Variants in ZBTB44 observed in about 807,000 individuals in gnomAD.
The protein encoded by ZBTB44 is zinc finger and BTB domain-containing protein 44.
A neutral mutation model predicts 54.0 loss-of-function variants in ZBTB44; 15 were observed. The observed-to-expected ratio is 0.28, with a 90% CI of 0.19 to 0.43. The LOEUF (loss-of-function observed/expected upper bound fraction) is 0.43. Ranked by LOEUF, ZBTB44 falls within the 20% of genes least tolerant of loss-of-function variation. ZBTB44 has a pLI of 1.00. For synonymous variants in ZBTB44, 230 were observed against 250.1 expected (o/e 0.92, Z 0.76); for missense variants, 487 against 707.1 (o/e 0.69, Z 3.53).
chr11:130,240,348 T>C (rs369176828), intron 2 of ZBTB44, among the ~76,000 whole-genome samples: 1 of 152,170 alleles, frequency 6.6e-6, no homozygotes, highest in African/African-American at 2.4e-5. Flanking sequence ...CCGTGTTCTA[T>C]ATTTTTAAAT....
rs1399297972 is a variant in ZBTB44 at position 130,230,496 on chromosome 11, A to T, written c.*1268T>A. 1 of 150,380 alleles carries T rather than the reference A, an allele frequency of 6.6e-6. No homozygotes were observed. The highest frequency in any genetic ancestry group is 1.5e-5 in the Non-Finnish European group (1 of 67,484). 9.3% of individuals were successfully genotyped at this position (150,380 alleles called of 1,614,324 possible). On this transcript the variant is annotated 3_prime_UTR_variant, in exon 8 of 8. Transcript: ENST00000357899. ...GGGGATCTAATTACTGTAAGCCAGA[A>T]TGATTGCTGAAATGTCAAAATGTAA...
chr11:130,276,623 T>G (rs530485485), intron 1 of ZBTB44, among the ~76,000 whole-genome samples: 1 of 151,792 alleles, frequency 6.6e-6, no homozygotes, highest in Non-Finnish European at 1.5e-5. Context: ...TTAGTAGAGA[T>G]AGGGTTTTAC....
rs1050202450 is a variant in ZBTB44, at chr11:130,228,212, A to T, written c.*3552T>A. The T allele has an allele frequency of 2.6e-5, 4 of 152,168 alleles. No individual in the cohort carries two copies. The highest frequency in any genetic ancestry group is 9.7e-5 in the African/African-American group (4 of 41,426). 9.4% of individuals were successfully genotyped at this position (152,168 alleles called of 1,614,324 possible). ...TATTGGGAACTTGGACCAAAACCAA[A>T]TTTTACTCTATTAGGGACCGTTGCT... is the stretch of plus-strand genomic sequence containing the variant. On this transcript the variant is annotated 3_prime_UTR_variant, in exon 8 of 8. Coordinates refer to ENST00000357899, the MANE Select transcript of ZBTB44 (RefSeq NM_001301098.2).
At chr11:130,279,984 T>G (rs1273646876) in intron 1 of ZBTB44, among the ~76,000 whole-genome samples, 1 of 152,148 alleles carries the variant, frequency 6.6e-6, no homozygotes, top group African/African-American at 2.4e-5. Flanking sequence ...CAGAATGAAA[T>G]CCCTGCTCTA....
At chr11:130,240,264 T>C (rs1041093895) in intron 2 of ZBTB44, among the ~76,000 whole-genome samples, 91 of 152,184 alleles carry the variant, frequency 6.0e-4, no homozygotes, top group African/African-American at 2.1e-3. Flanking sequence ...ATGGTCTCGA[T>C]ATCCTGACCT....
chr11:130,294,535 G>A (rs1389250772), intron 1 of ZBTB44, among the ~76,000 whole-genome samples: 2 of 77,578 alleles, frequency 2.6e-5, no homozygotes, highest in African/African-American at 5.2e-5. Context: ...AGGTCTATAT[G>A]ACCAAAAAAA....
At chr11:130,259,089 G>T (rs542112502) in intron 2 of ZBTB44, among the ~76,000 whole-genome samples, 18 of 152,198 alleles carry the variant, frequency 1.2e-4, no homozygotes, top group East Asian at 9.6e-4. Flanking sequence ...CAAATAAATG[G>T]GAAGACATTC....
At position 130,314,734 on chromosome 11, in the gene ZBTB44, T is replaced by G. The variant is rs1942846288; in HGVS notation, c.-416A>C. 8.7e-6 allele frequency: 1 copy of G among 114,624 alleles called. No individual in the cohort carries two copies. The highest frequency in any genetic ancestry group is 1.7e-5 in the Non-Finnish European group (1 of 58,660). 7.1% of individuals were successfully genotyped at this position (114,624 alleles called of 1,614,324 possible). On this transcript the variant is annotated 5_prime_UTR_variant, in exon 1 of 8. Transcript: ENST00000357899. ...GGTTGGCCGAGGGCAGGCGGTTGTT[T>G]GGGGAGCGCGGCGACGGCTCGCGTG...
chr11:130,265,390 A>T (rs750562850), intron 1 of ZBTB44, among the ~76,000 whole-genome samples: 5 of 152,092 alleles, frequency 3.3e-5, no homozygotes, highest in Non-Finnish European at 7.4e-5. Flanking sequence ...AAGCCCAGCT[A>T]ATTTTTGTAT....
chr11:130,310,015 T>A (rs190599556), intron 1 of ZBTB44, among the ~76,000 whole-genome samples: 135 of 152,242 alleles, frequency 8.9e-4, no homozygotes, highest in Non-Finnish European at 8.8e-4. Context: ...GAATTTTTAT[T>A]TAAAAATATG....
intron 1 of ZBTB44, among the ~76,000 whole-genome samples, chr11:130,263,605 A>G (rs1434330784): frequency 6.6e-6 from 1 of 152,218 alleles, no homozygotes; most frequent in African/African-American, 2.4e-5. Flanking sequence ...CGGAGTATTA[A>G]AATGAAACCA....
Position 130,238,526 on chromosome 11 carries a change from G to C in ZBTB44, c.1185C>G (p.Pro395=). 1 of 1,612,242 alleles carries C rather than the reference G, an allele frequency of 6.2e-7. No homozygotes were observed. The highest frequency in any genetic ancestry group is 8.5e-7 in the Non-Finnish European group (1 of 1,179,262). ...SSTERPSPNG[P]DRPFQCPTCG... Reference sequence around the variant, plus strand: ...AGGTTGGACACTGAAAAGGTCTGTCGGGACCATTTGGACTTGGTCGCTCTG... The same window carrying C: ...AGGTTGGACACTGAAAAGGTCTGTCCGGACCATTTGGACTTGGTCGCTCTG... The change falls in exon 4 of 8, where the codon CCC becomes CCG. Residue 395 remains proline, a synonymous_variant. Transcript: ENST00000357899.
intron 2 of ZBTB44, among the ~76,000 whole-genome samples, chr11:130,242,285 T>C (rs139164574): frequency 5.9e-5 from 9 of 152,354 alleles, no homozygotes; most frequent in Non-Finnish European, 8.8e-5. Flanking sequence ...ACAAAGATCC[T>C]AGAAGCTTTA....
In ZBTB44 at chr11:130,261,704, C is replaced by A. The variant is rs2099605090; in HGVS notation, c.170G>T (p.Arg57Leu). ...VVLAACSDFF[R>L]TKLVGQAEDE... ...CTCGGCTTGGCCTACAAGTTTGGTG[C>A]GAAAGAAATCACTGCAAGCTGCTAG... Residue 57 changes from arginine (R) to leucine (L), a missense_variant, in exon 2 of 8, where the codon CGC becomes CTC. Physicochemically the swap from Arg to Leu is moderately radical, Grantham distance 102. Transcript: ENST00000357899. The surrounding 1 kb of genome is among the most constrained non-coding windows in gnomAD (Gnocchi z 4.8). 3 of 1,613,850 alleles carry A rather than the reference C, an allele frequency of 1.9e-6. No homozygotes were observed. Among genetic ancestry groups the A allele is most frequent in the Non-Finnish European group, 2.5e-6 (3 of 1,179,896 alleles).
chr11:130,241,980 A>G (rs553745792), intron 2 of ZBTB44, among the ~76,000 whole-genome samples: 3 of 152,280 alleles, frequency 2.0e-5, no homozygotes, highest in South Asian at 2.1e-4. Context: ...ATTAATGCCA[A>G]TCTTTAGTTA....
intron 2 of ZBTB44, among the ~76,000 whole-genome samples, chr11:130,241,586 T>C (rs1954364455): frequency 6.6e-6 from 1 of 152,210 alleles, no homozygotes; most frequent in African/African-American, 2.4e-5. Flanking sequence ...AGAGTTCTTT[T>C]CACAATTTGT....
chr11:130,237,405 T>C (rs1356630141), intron 4 of ZBTB44, among the ~76,000 whole-genome samples: 4 of 152,202 alleles, frequency 2.6e-5, no homozygotes, highest in African/African-American at 4.8e-5. Flanking sequence ...CTACAGTATG[T>C]AGACAGAACC....
At chr11:130,298,832 GACACAC>G (rs71061379) in intron 1 of ZBTB44, among the ~76,000 whole-genome samples, 1 of 149,538 alleles carries the variant, frequency 6.7e-6, no homozygotes, top group Non-Finnish European at 1.5e-5. Context: ...CAGACACCCA[GACACAC>G]ACACACACAC....
chr11:130,264,588 T>C (rs1939115672), intron 1 of ZBTB44, among the ~76,000 whole-genome samples: 1 of 152,184 alleles, frequency 6.6e-6, no homozygotes, highest in South Asian at 2.1e-4. Flanking sequence ...GTCATGCTTG[T>C]TCACATATAT....
Sources: allele counts gnomAD v4.1 joint callset (sites outside exome capture counted in the v4.1 genomes callset), GRCh38; gene constraint gnomAD v4.1.1; non-coding constraint Gnocchi (gnomAD v3.1); transcripts MANE v1.5; gene names NCBI Gene and HGNC (gene_info 2026-07-23, HGNC 2026-07-21).